The following DBT variants were observed in gnomAD, a reference collection of about 807,000 sequenced individuals.
DBT encodes the protein lipoamide acyltransferase component of branched-chain alpha-keto acid dehydrogenase complex, mitochondrial.
A neutral mutation model predicts 51.3 loss-of-function variants in DBT; 40 were observed. That is an observed-to-expected ratio of 0.78 (90% CI 0.61 to 1.02). DBT has a LOEUF of 1.02. Among genes scored for constraint, DBT ranks in the 50% least tolerant of loss-of-function variants. DBT has a pLI of 0.00. For synonymous variants in DBT, 181 were observed against 190.4 expected, an observed-to-expected ratio of 0.95 and a Z score of 0.41; for missense variants, 510 against 580.2, an observed-to-expected ratio of 0.88 and a Z score of 1.24.
At chr1:100,209,921 T>G (rs1458905189) in intron 8 of DBT, among the ~76,000 whole-genome samples, 1 of 152,172 alleles carries the variant, frequency 6.6e-6, no homozygotes, top group African/African-American at 2.4e-5. Flanking sequence ...AAAAGAGTTT[T>G]CGGTCTTAAG....
At chr1:100,225,042 A>AAAAAAT (rs59482100) in intron 4 of DBT, among the ~76,000 whole-genome samples, 6 of 45,656 alleles carry the variant, frequency 1.3e-4, no homozygotes, top group African/African-American at 2.7e-4. Context: ...AAAAAAAAAA[A>AAAAAAT]ATATATATAT....
intron 10 of DBT, among the ~76,000 whole-genome samples, chr1:100,199,134 G>A (rs1202675964): frequency 6.6e-6 from 1 of 152,114 alleles, no homozygotes; most frequent in Non-Finnish European, 1.5e-5. Flanking sequence ...TCAAGCTCCC[G>A]TATGATTCTA....
intron 10 of DBT, among the ~76,000 whole-genome samples, chr1:100,205,799 T>G (rs1304811805): frequency 6.6e-6 from 1 of 152,140 alleles, no homozygotes; most frequent in Non-Finnish European, 1.5e-5. Context: ...TTCATGTCCT[T>G]TGCAGGGTCA....
rs368487697 is a variant in DBT at position 100,230,794 on chromosome 1, A to C, written c.372T>G (p.Asn124Lys). 7 of 1,611,244 alleles carry C rather than the reference A, an allele frequency of 4.3e-6. No individual in the cohort carries two copies. In the African/African-American group the frequency reaches 9.4e-5, roughly 22 times the overall value. Residue 124 changes from asparagine (N) to lysine (K), a missense_variant, in exon 4 of 11, where the codon AAT becomes AAG. Coordinates refer to ENST00000370132, the MANE Select transcript of DBT (RefSeq NM_001918.5). ...TCCCCACATAGGCAATATCGTCTAG[A>C]TTATAATAGAGTTTTTTAATGACTC... ...YDGVIKKLYY[N>K]LDDIAYVGKP...
intron 2 of DBT, among the ~76,000 whole-genome samples, chr1:100,239,577 G>T (rs1664087843): frequency 6.6e-6 from 1 of 151,474 alleles, no homozygotes. Context: ...GAAAGCAAAA[G>T]AAAAGGCATG....
intron 10 of DBT, among the ~76,000 whole-genome samples, chr1:100,197,879 C>T (rs1259478539): frequency 6.6e-6 from 1 of 151,892 alleles, no homozygotes; most frequent in Non-Finnish European, 1.5e-5. Context: ...AACAAAATAG[C>T]AAAGGAAAGA....
chr1:100,202,676 G>A (rs1661526957), intron 10 of DBT, among the ~76,000 whole-genome samples: 1 of 152,058 alleles, frequency 6.6e-6, no homozygotes, highest in African/African-American at 2.4e-5. Context: ...CACACAATTG[G>A]AAGTAAAACT....
At chr1:100,213,540 T>C in intron 7 of DBT, 1 of 1,559,152 alleles carries the variant, frequency 6.4e-7, no homozygotes, top group Non-Finnish European at 8.8e-7. Flanking sequence ...GTCTGCAGGG[T>C]CGGGGGGCTG....
At chr1:100,248,101 CAA>C (rs1003290152) in intron 1 of DBT, among the ~76,000 whole-genome samples, 37 of 75,076 alleles carry the variant, frequency 4.9e-4, no homozygotes, top group Admixed American at 1.1e-3. Context: ...GACTCCATTT[CAA>C]AAAAAAAAAA....
intron 4 of DBT, among the ~76,000 whole-genome samples, chr1:100,224,673 A>C (rs1313624943): frequency 1.3e-5 from 2 of 152,102 alleles, no homozygotes; most frequent in Non-Finnish European, 2.9e-5. Flanking sequence ...ATTTTGTTCT[A>C]AGCTTTACTG....
chr1:100,231,806 C>T (rs977139673), intron 3 of DBT, among the ~76,000 whole-genome samples: 4 of 152,246 alleles, frequency 2.6e-5, no homozygotes, highest in African/African-American at 9.6e-5. Flanking sequence ...AGGCTTGCAA[C>T]AACTGAGAAG....
rs370668235 is a variant in DBT, at chr1:100,206,660, T to C, written c.1018-24A>G. 6.5e-6 allele frequency: 9 copies of C among 1,390,644 alleles called. No homozygotes were observed. In the African/African-American group the frequency reaches 1.1e-4, roughly 17 times the overall value. The allele number at this position is 1,390,644 out of a possible 1,614,324, so 86.1% of individuals were successfully genotyped here. A position where few individuals can be genotyped will look rare whatever the true frequency, so the allele number is the denominator to read the frequency against. On this transcript the variant is annotated intron_variant, in intron 8 of 10. Coordinates refer to ENST00000370132, the MANE Select transcript of DBT (RefSeq NM_001918.5). ...GCCTAAAAAATAAAAAATTGTACAG[T>C]AGGGCTTTTAATGAATAAGCTAACA... is the stretch of plus-strand genomic sequence containing the variant.
intron 10 of DBT, among the ~76,000 whole-genome samples, chr1:100,204,396 G>C (rs1268559253): frequency 3.3e-5 from 5 of 152,126 alleles, no homozygotes; most frequent in Non-Finnish European, 7.4e-5. Context: ...CAACTTACAA[G>C]GGATGTGAGG....
At position 100,196,210 on chromosome 1, in the gene DBT, A is replaced by G. The variant is rs758334815; in HGVS notation, c.*45T>C. The G allele has an allele frequency of 3.9e-6, 6 of 1,519,682 alleles. No individual in the cohort carries two copies. The South Asian group carries it at 6.7e-5, about 17-fold the overall frequency. The allele number at this position is 1,519,682 out of a possible 1,614,324, so 94.1% of individuals were successfully genotyped here. On this transcript the variant is annotated 3_prime_UTR_variant, in exon 11 of 11. Transcript: ENST00000370132. ...ATGTGCTGGCACAGCTAGGGTTTAC[A>G]TACTCTTTGGAAGCTCAAAAAGTTC...
Position 100,206,652 on chromosome 1 carries a change from T to A in DBT, c.1018-16A>T, listed in dbSNP as rs756694063. On this transcript the variant is annotated splice_polypyrimidine_tract_variant and intron_variant, in intron 8 of 10. Transcript: ENST00000370132. ...TATGAGAAGCCTAAAAAATAAAAAA[T>A]TGTACAGTAGGGCTTTTAATGAATA... The A allele has an allele frequency of 4.0e-6, 6 of 1,497,040 alleles. No homozygotes were observed. Among genetic ancestry groups the A allele is most frequent in the Non-Finnish European group, 1.9e-6 (2 of 1,073,974 alleles). 92.7% of individuals were successfully genotyped at this position (1,497,040 alleles called of 1,614,324 possible). A position where few individuals can be genotyped will look rare whatever the true frequency, so the allele number is the denominator to read the frequency against.
At chr1:100,225,826 C>A (rs866802897) in intron 4 of DBT, among the ~76,000 whole-genome samples, 173 of 86,698 alleles carry the variant, frequency 2.0e-3, no homozygotes, top group African/African-American at 5.2e-3. Context: ...CTCCATCTCA[C>A]AAAAAAAAAA....
intron 8 of DBT, among the ~76,000 whole-genome samples, chr1:100,210,240 G>C (rs984797964): frequency 6.6e-5 from 10 of 151,240 alleles, no homozygotes; most frequent in African/African-American, 2.2e-4. Context: ...GGGCCTGAGA[G>C]GTTGAGGCTG....
chr1:100,219,237 A>G (rs1662684499), intron 4 of DBT, among the ~76,000 whole-genome samples: 1 of 152,094 alleles, frequency 6.6e-6, no homozygotes, highest in South Asian at 2.1e-4. Flanking sequence ...CTGTGGTCCC[A>G]GCTACTTGGG....
Position 100,215,966 on chromosome 1 carries a change from GTTA to G in DBT, c.772+14_772+16del, listed in dbSNP as rs1365337951. On this transcript the variant is annotated intron_variant, in intron 6 of 10. Transcript: ENST00000370132. The stretch of plus-strand genomic sequence containing the variant: ...AAATGAACTATTGCCTTATAGTATT[GTTA>G]TTATTATCATTACCTTTTATGGGTT... 18 of 1,414,422 alleles carry G rather than the reference GTTA, an allele frequency of 1.3e-5. No homozygotes were observed. In the East Asian group the frequency reaches 4.1e-4, roughly 32 times the overall value. 87.6% of individuals were successfully genotyped at this position (1,414,422 alleles called of 1,614,324 possible).
Sources: allele counts gnomAD v4.1 joint callset (sites outside exome capture counted in the v4.1 genomes callset), GRCh38; gene constraint gnomAD v4.1.1; transcripts MANE v1.5; gene names NCBI Gene and HGNC (gene_info 2026-07-23, HGNC 2026-07-21).